Variants in RMDN2 observed in about 807,000 individuals in gnomAD.
RMDN2 encodes regulator of microtubule dynamics protein 2.
RMDN2 carries 61 observed loss-of-function variants against 52.8 expected under a neutral mutation model. That is an observed-to-expected ratio of 1.16 (90% CI 0.94 to 1.43). The LOEUF (loss-of-function observed/expected upper bound fraction) is 1.43. Ranked by LOEUF, RMDN2 falls within the 40% of genes most tolerant of loss-of-function variation. The pLI is 0.00. For synonymous variants in RMDN2, 180 were observed against 153.1 expected (o/e 1.18, Z -1.30); for missense variants, 592 against 475.3 (o/e 1.25, Z -2.28).
At chr2:38,024,252 A>G (rs1679607578) in intron 10 of RMDN2, among the ~76,000 whole-genome samples, 1 of 152,234 alleles carries the variant, frequency 6.6e-6, no homozygotes, top group East Asian at 1.9e-4. Context: ...ATGAAAATTC[A>G]TATAAATGTC....
chr2:38,066,974 A>G (rs1469527461), intron 10 of RMDN2: 3 of 1,613,790 alleles, frequency 1.9e-6, no homozygotes, highest in South Asian at 1.1e-5. Flanking sequence ...CTGTTTTCAC[A>G]TTAATAGGAG....
intron 10 of RMDN2, chr2:38,033,029 G>A (rs976652758): frequency 6.6e-6 from 1 of 152,094 alleles, no homozygotes; most frequent in African/African-American, 2.4e-5. Flanking sequence ...AAATACATGA[G>A]AATTTCAGTT....
At chr2:37,946,301 G>GT (rs1668215823) in intron 2 of RMDN2, among the ~76,000 whole-genome samples, 1 of 152,094 alleles carries the variant, frequency 6.6e-6, no homozygotes, top group South Asian at 2.1e-4. Context: ...TATAACTTTA[G>GT]TTTTTTTCAG....
chr2:38,003,604 G>GATAGATAGATAGATAGATAGATAGA lies in RMDN2; in HGVS notation c.1045-387_1045-386insATAGATAGATAGATAGATAGATAGA, dbSNP rs1306774545. Among the ~76,000 whole-genome samples the GATAGATAGATAGATAGATAGATAGA allele has an allele frequency of 8.7e-5, 9 of 103,250 alleles. No homozygotes were observed. In the South Asian group the frequency reaches 9.9e-4, roughly 11 times the overall value. The allele number at this position is 103,250 out of a possible 152,430, so 67.7% of individuals were successfully genotyped here. A position where few individuals can be genotyped will look rare whatever the true frequency, so the allele number is the denominator to read the frequency against. ...GATAGATAGATAGATAGATAGATAG[G>GATAGATAGATAGATAGATAGATAGA]CAGACAGACAGACAGACAGACAAAT... On this transcript the variant is annotated intron_variant, in intron 8 of 10. Transcript: ENST00000354545.
chr2:38,012,007 C>A (rs1055690058), intron 10 of RMDN2, among the ~76,000 whole-genome samples: 3 of 152,190 alleles, frequency 2.0e-5, no homozygotes, highest in African/African-American at 7.2e-5. Context: ...GCTCAAAACC[C>A]TTTGCTGCTG....
At chr2:38,036,161 C>T (rs1029335453) in intron 10 of RMDN2, 1 of 152,178 alleles carries the variant, frequency 6.6e-6, no homozygotes, top group Non-Finnish European at 1.5e-5. Context: ...TCAGAGAGAT[C>T]CGTGATATGT....
intron 10 of RMDN2, 37 bp downstream of exon 10, chr2:38,004,253 G>T (rs1158459944): frequency 7.8e-6 from 11 of 1,414,834 alleles, no homozygotes; most frequent in Non-Finnish European, 1.1e-5. Flanking sequence ...CTGTTGTCTT[G>T]TTAGTACTAT....
At chr2:37,924,326 G>C (rs371000373), upstream of RMDN2, among the ~76,000 whole-genome samples, 3 of 152,194 alleles carry the variant, frequency 2.0e-5, no homozygotes, top group African/African-American at 7.2e-5. Context: ...ACCTAAGCTT[G>C]AGGCAGTAAT....
At chr2:37,943,201 G>A (rs1422924248) in intron 2 of RMDN2, among the ~76,000 whole-genome samples, 1 of 152,214 alleles carries the variant, frequency 6.6e-6, no homozygotes, top group Non-Finnish European at 1.5e-5. Context: ...TGTGTAGCAT[G>A]GGAAGAGAGA....
At chr2:37,966,952 A>G (rs1294097701) in intron 2 of RMDN2, among the ~76,000 whole-genome samples, 2 of 152,182 alleles carry the variant, frequency 1.3e-5, no homozygotes, top group African/African-American at 2.4e-5. Context: ...TGAAGCAAGA[A>G]CAAACATCAA....
intron 10 of RMDN2, among the ~76,000 whole-genome samples, chr2:38,042,035 TTGAC>T (rs1680985809): frequency 6.6e-6 from 1 of 152,224 alleles, no homozygotes; most frequent in South Asian, 2.1e-4. Flanking sequence ...AATTTTTTCT[TTGAC>T]TGTCTGGTAC....
chr2:37,957,778 G>T (rs1227744234), intron 2 of RMDN2, among the ~76,000 whole-genome samples: 1 of 152,074 alleles, frequency 6.6e-6, no homozygotes, highest in Non-Finnish European at 1.5e-5. Context: ...ATGGCTTTAG[G>T]TTTAATCATT....
chr2:37,954,221 T>C (rs965516682), intron 2 of RMDN2, among the ~76,000 whole-genome samples: 24 of 152,116 alleles, frequency 1.6e-4, no homozygotes, highest in African/African-American at 4.1e-4. Context: ...AGTTTATCAA[T>C]TTTTTCTTTT....
intron 8 of RMDN2, chr2:37,998,238 C>A (rs75788001): frequency 0.016 from 2,417 of 152,204 alleles, 71 homozygotes; most frequent in African/African-American, 0.055. Flanking sequence ...TACAAAAATA[C>A]AGACAAGGCT....
At chr2:38,019,916 G>T (rs1387316870), downstream of RMDN2, among the ~76,000 whole-genome samples, 1 of 152,110 alleles carries the variant, frequency 6.6e-6, no homozygotes. Flanking sequence ...CACTCTGGGT[G>T]ACAGAGTGAA....
At chr2:37,979,962 T>C (rs1270640179) in intron 4 of RMDN2, among the ~76,000 whole-genome samples, 1 of 152,226 alleles carries the variant, frequency 6.6e-6, no homozygotes, top group Non-Finnish European at 1.5e-5. Flanking sequence ...ATTAAAATGC[T>C]TCACTTTTTA....
intron 2 of RMDN2, 86 bp from the exon 3 acceptor site, chr2:37,973,954 C>A: frequency 9.6e-7 from 1 of 1,040,572 alleles, no homozygotes; most frequent in Non-Finnish European, 1.4e-6. Context: ...ATAAGAGGGG[C>A]ATGATTTGAC....
chr2:37,959,479 C>T (rs1385663557), intron 2 of RMDN2, among the ~76,000 whole-genome samples: 2 of 150,946 alleles, frequency 1.3e-5, no homozygotes, highest in East Asian at 3.9e-4. Context: ...GTTTGTATTT[C>T]TCTGGGATCA....
intron 10 of RMDN2, among the ~76,000 whole-genome samples, chr2:38,040,265 C>T (rs1156706237): frequency 1.3e-5 from 2 of 151,974 alleles, no homozygotes; most frequent in Non-Finnish European, 2.9e-5. Context: ...GTCTTTATAA[C>T]TTTATAGCTG....
Sources: gnomAD v4.1 joint callset for allele counts (sites outside exome capture counted in the v4.1 genomes callset) on GRCh38, gnomAD v4.1.1 for gene constraint, MANE v1.5 for transcripts, NCBI Gene and HGNC (gene_info 2026-07-23, HGNC 2026-07-21) for gene names.